TPSD1: variants seen among roughly 807,000 people sequenced by gnomAD.
The protein encoded by TPSD1 is tryptase delta.
Under a neutral mutation model 25.4 loss-of-function variants are expected in TPSD1, and 30 were observed. That is an observed-to-expected ratio of 1.18 (90% CI 0.88 to 1.60). The LOEUF (loss-of-function observed/expected upper bound fraction) is 1.60, where lower values mean the gene tolerates loss of function less well. Among genes scored for constraint, TPSD1 ranks in the 40% most tolerant of loss-of-function variants. The pLI is 0.00. For synonymous variants in TPSD1, 176 were observed against 149.4 expected, an observed-to-expected ratio of 1.18 and a Z score of -1.30; for missense variants, 420 against 324.2, an observed-to-expected ratio of 1.30 and a Z score of -2.27.
At position 1,258,437 on chromosome 16, in the gene TPSD1, T is replaced by C; in HGVS notation, c.*61T>C. 1 of 1,613,762 alleles carries C rather than the reference T, an allele frequency of 6.2e-7. No homozygotes were observed. The highest frequency in any genetic ancestry group is 1.1e-5 in the South Asian group (1 of 91,086). On this transcript the variant is annotated 3_prime_UTR_variant, in exon 5 of 5. Transcript: ENST00000211076. ...TGCCCAGCCCAACCGGCCTGGCATC[T>C]ACACCCGTGTCACCTACTACTTGGA...
Position 1,258,233 on chromosome 16 carries a change from G to A in TPSD1, c.684+11G>A, listed in dbSNP as rs199828554. The A allele has an allele frequency of 6.0e-5, 97 of 1,608,816 alleles. No individual in the cohort carries two copies. In the East Asian group the frequency reaches 1.6e-3, roughly 26 times the overall value. Reference sequence around the variant, plus strand: ...CACGACTCCTGCCAGGTGGGCCCTCGCGTCCCCCACCCCAATCCCCGGAGC... The same window carrying A: ...CACGACTCCTGCCAGGTGGGCCCTCACGTCCCCCACCCCAATCCCCGGAGC... On this transcript the variant is annotated intron_variant, in intron 4 of 4. Transcript: ENST00000211076.
intron 3 of TPSD1, chr16:1,257,851 C>T: frequency 1.6e-6 from 1 of 624,906 alleles, no homozygotes; most frequent in Admixed American, 3.0e-5. Context: ...CTCCCTTCCC[C>T]AGATGGGGCT....
chr16:1,258,629 C>A lies in TPSD1; in HGVS notation c.*253C>A, dbSNP rs1349719116. The A allele has an allele frequency of 6.2e-6, 6 of 962,552 alleles. No homozygotes were observed. Among genetic ancestry groups the A allele is most frequent in the Non-Finnish European group, 9.1e-6 (6 of 658,432 alleles). The allele number at this position is 962,552 out of a possible 1,614,324, so 59.6% of individuals were successfully genotyped here. The stretch of plus-strand genomic sequence containing the variant: ...CTGAGTCCCCTCTCCCATCCTGAGC[C>A]CTGTCCCCTGTCCTGAGCCCCCTCC... On this transcript the variant is annotated 3_prime_UTR_variant, in exon 5 of 5. Transcript: ENST00000211076.
rs2030981356 is a variant in TPSD1, at chr16:1,256,833, G to A, written c.291G>A (p.Leu97=). The A allele has an allele frequency of 1.2e-6, 2 of 1,612,962 alleles. No individual in the cohort carries two copies. Among genetic ancestry groups the A allele is most frequent in the South Asian group, 2.2e-5 (2 of 91,034 alleles). The change falls in exon 3 of 5, where the codon CTG becomes CTA. Residue 97 remains leucine, a synonymous_variant. Coordinates refer to ENST00000211076, the MANE Select transcript of TPSD1 (RefSeq NM_012217.3). ...ATCTGGCCGCCCTCAGGGTGCAACTGCGGGAGCAGCACCTCTACTACCAGG... is the reference window on the plus strand; with the variant it reads ...ATCTGGCCGCCCTCAGGGTGCAACTACGGGAGCAGCACCTCTACTACCAGG... The part of the protein sequence containing the change: ...IKDLAALRVQ[L]REQHLYYQDQ...
chr16:1,258,160 A>G lies in TPSD1; in HGVS notation c.622A>G (p.Ser208Gly), dbSNP rs1173324742. The G allele has an allele frequency of 6.2e-7, 1 of 1,612,800 alleles. No individual in the cohort carries two copies. Among genetic ancestry groups the G allele is most frequent in the East Asian group, 2.2e-5 (1 of 44,894 alleles). ...TCACACCGGCCTCCATACGGGCCAC[A>G]GCTTTCAAATCGTCCGCGATGACAT... ...EYHTGLHTGH[S>G]FQIVRDDMLC... Residue 208 changes from serine (S) to glycine (G), a missense_variant, in exon 4 of 5, where the codon AGC becomes GGC. Ser to Gly is a moderately conservative substitution (Grantham distance 56, BLOSUM62 0). Coordinates refer to ENST00000211076, the MANE Select transcript of TPSD1 (RefSeq NM_012217.3).
Position 1,258,555 on chromosome 16 carries a change from C to G in TPSD1, c.*179C>G, listed in dbSNP as rs1171702189. 5.5e-5 allele frequency: 87 copies of G among 1,573,968 alleles called. No homozygotes were observed. Among genetic ancestry groups the G allele is most frequent in the Non-Finnish European group, 6.2e-5 (72 of 1,156,832 alleles). On this transcript the variant is annotated 3_prime_UTR_variant, in exon 5 of 5. Transcript: ENST00000211076. ...GGGCCAGCCCCTCCTGTCCAAACCA[C>G]CACTGCTTCCTACCCAGGTGGTGAC... is the stretch of plus-strand genomic sequence containing the variant.
At chr16:1,257,722 C>T (rs1236015769) in intron 3 of TPSD1, among the ~76,000 whole-genome samples, 1 of 152,182 alleles carries the variant, frequency 6.6e-6, no homozygotes, top group Non-Finnish European at 1.5e-5. Context: ...TCGGCTAGGG[C>T]CAACCGTGGA....
In TPSD1 at chr16:1,258,042, C is replaced by A. The variant is rs778229136; in HGVS notation, c.521-17C>A. 54 of 1,561,254 alleles carry A rather than the reference C, an allele frequency of 3.5e-5. No individual in the cohort carries two copies. Among genetic ancestry groups the A allele is most frequent in the Non-Finnish European group, 4.2e-5 (48 of 1,153,812 alleles). On this transcript the variant is annotated splice_polypyrimidine_tract_variant and intron_variant, in intron 3 of 4. Transcript: ENST00000211076. ...AGCCGGCCCCAGACCCGGCTCCACG[C>A]CCCCCTCCGCCCCCAGTGCACCTGC...
At position 1,256,691 on chromosome 16, in the gene TPSD1, A is replaced by T. The variant is rs2030977415; in HGVS notation, c.254+4A>T. On this transcript the variant is annotated splice_donor_region_variant and intron_variant, in intron 2 of 4. Transcript: ENST00000211076. ...CCGCGGCGCACTGCGTGGAACCGTG[A>T]GTCTCCTGGGGCCTGGAGGGGTGGG... 6.2e-7 allele frequency: 1 copy of T among 1,611,308 alleles called. No homozygotes were observed. The highest frequency in any genetic ancestry group is 1.7e-5 in the Admixed American group (1 of 59,878).
chr16:1,257,905 T>C (rs2141449180), intron 3 of TPSD1, 154 bp from the exon 4 acceptor site: 4 of 798,864 alleles, frequency 5.0e-6, no homozygotes, highest in Middle Eastern at 3.8e-4. Flanking sequence ...CGGAGGGGCC[T>C]GGACTGCATT....
At position 1,256,673 on chromosome 16, in the gene TPSD1, G is replaced by C. The variant is rs569303909; in HGVS notation, c.240G>C (p.Ala80=). Residue 80 remains alanine (A), a synonymous_variant, in exon 2 of 5, where the codon GCG becomes GCC. Coordinates refer to ENST00000211076, the MANE Select transcript of TPSD1 (RefSeq NM_012217.3). The stretch of plus-strand genomic sequence containing the variant: ...ACCCCCAGTGGGTGCTAACCGCGGC[G>C]CACTGCGTGGAACCGTGAGTCTCCT... ...LIHPQWVLTA[A]HCVEPDIKDL... 1.2e-6 allele frequency: 2 copies of C among 1,611,396 alleles called. No individual in the cohort carries two copies. Among genetic ancestry groups the C allele is most frequent in the South Asian group, 2.2e-5 (2 of 90,880 alleles).
rs186894479 is a variant in TPSD1, at chr16:1,258,518, C to T, written c.*142C>T. The T allele has an allele frequency of 4.0e-3, 6,424 of 1,606,560 alleles. 85 individuals carry two copies. In the African/African-American group the frequency reaches 0.041, roughly 10 times the overall value. On this transcript the variant is annotated 3_prime_UTR_variant, in exon 5 of 5. Transcript: ENST00000211076. The stretch of plus-strand genomic sequence containing the variant: ...CTGAGCCAGGCCTGGGGTGTCCACC[C>T]GGGTCACTGGAGGGCCAGCCCCTCC...
intron 3 of TPSD1, 70 bp from the exon 4 acceptor site, chr16:1,257,989 C>CT: frequency 6.7e-7 from 1 of 1,495,456 alleles, no homozygotes; most frequent in South Asian, 1.2e-5. Context: ...GCCCGTGACT[C>CT]TGCCACCAAG....
At position 1,256,625 on chromosome 16, in the gene TPSD1, C is replaced by T; in HGVS notation, c.192C>T (p.His64=). 2 of 1,613,056 alleles carry T rather than the reference C, an allele frequency of 1.2e-6. No homozygotes were observed. Among genetic ancestry groups the T allele is most frequent in the East Asian group, 2.2e-5 (1 of 44,890 alleles). ...SLRVRGPYWM[H]FCGGSLIHPQ... ...GAGTCCGCGGCCCATACTGGATGCA[C>T]TTCTGCGGGGGCTCCCTCATCCACC... Residue 64 remains histidine (H), a synonymous_variant, in exon 2 of 5, where the codon CAC becomes CAT. Transcript: ENST00000211076.
rs1312054496 is a variant in TPSD1, at chr16:1,258,676, ATCCTGAG to A, written c.*301_*307del. 4 of 198,420 alleles carry A rather than the reference ATCCTGAG, an allele frequency of 2.0e-5. 1 individual carries two copies. Among genetic ancestry groups the A allele is most frequent in the Non-Finnish European group, 2.6e-5 (3 of 116,692 alleles). 12.3% of individuals were successfully genotyped at this position (198,420 alleles called of 1,614,324 possible). ...CTCCCCTTTCTTGATCCCCTCCCCCATCCTGAGCCCCTCCCCCACCCTGAGCCCCTTC... is the reference window on the plus strand; with the variant it reads ...CTCCCCTTTCTTGATCCCCTCCCCCACCCCTCCCCCACCCTGAGCCCCTTC... On this transcript the variant is annotated 3_prime_UTR_variant, in exon 5 of 5. Coordinates refer to ENST00000211076, the MANE Select transcript of TPSD1 (RefSeq NM_012217.3).
rs754138689 is a variant in TPSD1, at chr16:1,256,537, A to C, written c.104A>C (p.Gln35Pro). 1 of 1,605,512 alleles carries C rather than the reference A, an allele frequency of 6.2e-7. No individual in the cohort carries two copies. The highest frequency in any genetic ancestry group is 8.5e-7 in the Non-Finnish European group (1 of 1,178,298). Residue 35 changes from glutamine (Q) to proline (P), a missense_variant, in exon 2 of 5, where the codon CAA becomes CCA. Physicochemically the swap from Gln to Pro is moderately conservative, Grantham distance 76. Coordinates refer to ENST00000211076, the MANE Select transcript of TPSD1 (RefSeq NM_012217.3). ...VAPAPGQALQ[Q>P]TGIVGGQEAP... ...CCAGCCCCAGGCCAGGCCCTGCAGC[A>C]AACGGGCATTGTTGGGGGGCAGGAG...
intron 3 of TPSD1, 135 bp downstream of exon 3, chr16:1,257,197 C>A: frequency 1.6e-6 from 2 of 1,280,408 alleles, no homozygotes; most frequent in South Asian, 1.5e-5. Context: ...ATGGAGCAGG[C>A]GGTGGCGAGA....
At position 1,256,787 on chromosome 16, in the gene TPSD1, C is replaced by A. The variant is rs778908150; in HGVS notation, c.255-10C>A. ...GCCCAGGGCCCTGAGTGGGATCCTC[C>A]GCTGCCCAGGGACATCAAGGATCTG... On this transcript the variant is annotated splice_polypyrimidine_tract_variant and intron_variant, in intron 2 of 4. Coordinates refer to ENST00000211076, the MANE Select transcript of TPSD1 (RefSeq NM_012217.3). 2 of 1,612,266 alleles carry A rather than the reference C, an allele frequency of 1.2e-6. No individual in the cohort carries two copies. The highest frequency in any genetic ancestry group is 1.7e-6 in the Non-Finnish European group (2 of 1,179,870).
intron 2 of TPSD1, 51 bp downstream of exon 2, chr16:1,256,738 G>T: frequency 6.2e-7 from 1 of 1,611,832 alleles, no homozygotes. Flanking sequence ...TGTGAGCCCT[G>T]GCTCCCGGGT....
Sources: gnomAD v4.1 joint callset for allele counts (sites outside exome capture counted in the v4.1 genomes callset) on GRCh38, gnomAD v4.1.1 for gene constraint, MANE v1.5 for transcripts, NCBI Gene and HGNC (gene_info 2026-07-23, HGNC 2026-07-21) for gene names.